The following SLC35D1 variants were observed in gnomAD, a reference collection of about 807,000 sequenced individuals.
SLC35D1 encodes solute carrier family 35 member D1.
SLC35D1 carries 31 observed loss-of-function variants against 46.7 expected under a neutral mutation model. The ratio of observed to expected loss-of-function variants is 0.66; its 90% CI spans 0.50 to 0.90. The LOEUF (loss-of-function observed/expected upper bound fraction) is 0.90, where lower values mean the gene tolerates loss of function less well. Ranked by LOEUF, SLC35D1 falls within the 40% of genes least tolerant of loss-of-function variation. The pLI is 0.00. For synonymous variants in SLC35D1, 195 were observed against 164.6 expected, an observed-to-expected ratio of 1.18 and a Z score of -1.41; for missense variants, 397 against 426.2, an observed-to-expected ratio of 0.93 and a Z score of 0.60.
rs1645343063 is a variant in SLC35D1, at chr1:67,053,925, C to G, written c.89G>C (p.Gly30Ala). ...GGTCAGCGTTTCGGCCGACGCCATCCCCAGCTCCTCCTCATCTCGGAGTGT... is the reference window on the plus strand; with the variant it reads ...GGTCAGCGTTTCGGCCGACGCCATCGCCAGCTCCTCCTCATCTCGGAGTGT... ...SSTLRDEEEL[G>A]MASAETLTVF... is the part of the protein sequence containing the mutation. The change falls in exon 1 of 12, where the codon GGG becomes GCG. Residue 30 changes from glycine (G) to alanine (A), a missense_variant. Coordinates refer to ENST00000235345, the MANE Select transcript of SLC35D1 (RefSeq NM_015139.3). The G allele has an allele frequency of 6.2e-7, 1 of 1,613,804 alleles. No homozygotes were observed. Among genetic ancestry groups the G allele is most frequent in the Non-Finnish European group, 8.5e-7 (1 of 1,179,756 alleles).
intron 8 of SLC35D1, 80 bp downstream of exon 8, chr1:67,042,156 C>T: frequency 7.5e-7 from 1 of 1,339,480 alleles, no homozygotes; most frequent in South Asian, 1.2e-5. Flanking sequence ...TTCTTTTGAA[C>T]AACAAAGCCT....
At chr1:66,989,778 AAG>A in the SLC35D1 span, among the ~76,000 whole-genome samples, 1 of 152,220 alleles carries the variant, frequency 6.6e-6, no homozygotes, top group East Asian at 1.9e-4. Context: ...CATTTTTAAA[AAG>A]AAAACATACG....
chr1:67,050,983 A>G (rs554869360), intron 4 of SLC35D1, among the ~76,000 whole-genome samples: 20 of 152,234 alleles, frequency 1.3e-4, no homozygotes, highest in Non-Finnish European at 2.5e-4. Context: ...CAATATAGTT[A>G]TTTCTGAATA....
chr1:67,005,216 C>T (rs1238307291), intron 11 of SLC35D1, among the ~76,000 whole-genome samples: 1 of 152,186 alleles, frequency 6.6e-6, no homozygotes, highest in Non-Finnish European at 1.5e-5. Flanking sequence ...ACCCAGGACT[C>T]CCTTGGATTC....
At chr1:67,011,791 C>A (rs1315851556) in intron 10 of SLC35D1, among the ~76,000 whole-genome samples, 1 of 152,126 alleles carries the variant, frequency 6.6e-6, no homozygotes, top group Non-Finnish European at 1.5e-5. Context: ...ACCCATACAG[C>A]CACAGAGCCC....
chr1:66,977,754 A>G, the SLC35D1 span, among the ~76,000 whole-genome samples: 1 of 152,196 alleles, frequency 6.6e-6, no homozygotes, highest in African/African-American at 2.4e-5. Context: ...GTTATGATGG[A>G]ATTAACTTTA....
the SLC35D1 span, chr1:66,986,399 A>G: frequency 6.2e-7 from 1 of 1,611,412 alleles, no homozygotes; most frequent in Non-Finnish European, 8.5e-7. Flanking sequence ...TTTTTCTCAC[A>G]CAGGCATACT....
intron 10 of SLC35D1, among the ~76,000 whole-genome samples, chr1:67,009,696 G>A (rs1667523478): frequency 1.9e-5 from 1 of 53,306 alleles, no homozygotes. Context: ...TGTTGGCGAG[G>A]TTGAGAAAAA....
chr1:67,021,081 G>A (rs1443850064), intron 9 of SLC35D1, among the ~76,000 whole-genome samples: 1 of 152,144 alleles, frequency 6.6e-6, no homozygotes, highest in African/African-American at 2.4e-5. Context: ...ATATGGACAT[G>A]AGGATAAGAG....
chr1:67,041,489 C>T (rs992295876), intron 8 of SLC35D1, among the ~76,000 whole-genome samples: 4 of 152,174 alleles, frequency 2.6e-5, no homozygotes, highest in Non-Finnish European at 5.9e-5. Flanking sequence ...GACCAACATA[C>T]TTATTCTGAA....
chr1:67,047,363 C>A lies in SLC35D1; in HGVS notation c.538G>T (p.Asp180Tyr). 6.2e-7 allele frequency: 1 copy of A among 1,612,556 alleles called. No homozygotes were observed. The highest frequency in any genetic ancestry group is 1.1e-5 in the South Asian group (1 of 91,034). ...IIGAFVAASS[D>Y]LAFDLEGYAF... is the part of the protein sequence containing the mutation. ...TATCCTTCCAGATCAAATGCCAAGT[C>A]AGAGCTGCAAAACATAAGCAACACT... is the stretch of plus-strand genomic sequence containing the variant. Residue 180 changes from aspartate (D) to tyrosine (Y), a missense_variant, in exon 7 of 12, where the codon GAC becomes TAC. Coordinates refer to ENST00000235345, the MANE Select transcript of SLC35D1 (RefSeq NM_015139.3).
chr1:67,050,607 G>A (rs565652569), intron 4 of SLC35D1, 103 bp from the exon 5 acceptor site: 60 of 913,018 alleles, frequency 6.6e-5, no homozygotes, highest in Non-Finnish European at 9.9e-5. Flanking sequence ...TTCCATTATG[G>A]AAATTCCATA....
chr1:67,043,122 G>C (rs1645212390), intron 7 of SLC35D1, among the ~76,000 whole-genome samples: 1 of 151,924 alleles, frequency 6.6e-6, no homozygotes, highest in African/African-American at 2.4e-5. Context: ...TTGAACTCAG[G>C]AGGTGGAGAT....
chr1:67,005,995 T>TTCTTACAC (rs1351254311), intron 11 of SLC35D1, among the ~76,000 whole-genome samples: 6 of 152,240 alleles, frequency 3.9e-5, no homozygotes, highest in African/African-American at 1.2e-4. Context: ...ATGAACCCAA[T>TTCTTACAC]TCTTACACTT....
intron 10 of SLC35D1, among the ~76,000 whole-genome samples, chr1:67,017,632 C>T (rs1354052979): frequency 6.6e-6 from 1 of 152,096 alleles, no homozygotes. Context: ...GTCAGATTGC[C>T]ACTGCAATCT....
chr1:67,005,401 G>A (rs1170281264), intron 11 of SLC35D1, among the ~76,000 whole-genome samples: 3 of 152,186 alleles, frequency 2.0e-5, no homozygotes, highest in Non-Finnish European at 4.4e-5. Context: ...CCTAGCTCTT[G>A]TTCCCACTAG....
chr1:66,988,330 C>A, the SLC35D1 span: 1 of 152,182 alleles, frequency 6.6e-6, no homozygotes, highest in Non-Finnish European at 1.5e-5. Flanking sequence ...AAAATTAACT[C>A]TCTTCTTTAA....
the SLC35D1 span, chr1:66,988,316 C>T: frequency 2.0e-5 from 3 of 152,170 alleles, no homozygotes; most frequent in African/African-American, 7.2e-5. Context: ...AACTTTTTAC[C>T]GTAAAAATTA....
Position 67,033,885 on chromosome 1 carries a change from C to T in SLC35D1, c.729+8351G>A, listed in dbSNP as rs200856553. Among the ~76,000 whole-genome samples, 17 of 152,218 alleles carry T rather than the reference C, an allele frequency of 1.1e-4. No homozygotes were observed. The East Asian group carries it at 1.5e-3, about 14-fold the overall frequency. On this transcript the variant is annotated intron_variant, in intron 8 of 11. Transcript: ENST00000235345. Reference sequence around the variant, plus strand: ...TCCAAGGCAGGAGATAGGGATCTAGCGTCATTTTTTGCATATGTACACCCG... The same window carrying T: ...TCCAAGGCAGGAGATAGGGATCTAGTGTCATTTTTTGCATATGTACACCCG...
Sources: gnomAD v4.1 joint callset for allele counts (sites outside exome capture counted in the v4.1 genomes callset) on GRCh38, gnomAD v4.1.1 for gene constraint, MANE v1.5 for transcripts, NCBI Gene and HGNC (gene_info 2026-07-23, HGNC 2026-07-21) for gene names.